RGL2: variants seen among roughly 807,000 people sequenced by gnomAD.
RGL2 encodes ral guanine nucleotide dissociation stimulator-like 2.
In RGL2, 40 loss-of-function variants were observed where a neutral mutation model predicts 84.6. That is an observed-to-expected ratio of 0.47 (90% CI 0.37 to 0.62). The LOEUF is 0.62. RGL2 is among the 20% of genes least tolerant of loss of function. The probability of loss-of-function intolerance (pLI) is 0.00; values close to 1 mark genes in which losing one functional copy is unlikely to be tolerated. For missense variants in RGL2, 865 were observed against 1,019.7 expected, an observed-to-expected ratio of 0.85 and a Z score of 2.07; for synonymous variants, 369 against 417.3, an observed-to-expected ratio of 0.88 and a Z score of 1.41.
chr6:33,297,021 C>T lies in RGL2; in HGVS notation c.240+11G>A. On this transcript the variant is annotated intron_variant, in intron 3 of 17. Transcript: ENST00000497454. This position sits in a 1 kb window ranked among gnomAD's most constrained non-coding sequence, Gnocchi z 4.0. ...AGAGTCAGAGGTGAGAAGCTAAAGT[C>T]ATGATCTCACCAAGGGATCAAGAGG... 1.9e-6 allele frequency: 3 copies of T among 1,588,578 alleles called. No homozygotes were observed. The highest frequency in any genetic ancestry group is 2.6e-6 in the Non-Finnish European group (3 of 1,167,766).
At position 33,295,637 on chromosome 6, in the gene RGL2, C is replaced by T. The variant is rs1327210058; in HGVS notation, c.891G>A (p.Val297=). The change falls in exon 7 of 18, where the codon GTG becomes GTA. Residue 297 remains valine (V), a synonymous_variant. Coordinates refer to ENST00000497454, the MANE Select transcript of RGL2 (RefSeq NM_004761.5). This position sits in a 1 kb window ranked among gnomAD's most constrained non-coding sequence, Gnocchi z 7.2. ...GGACAGAACTAACCACTGCCCCTGC[C>T]ACCTTGTTAAACTGTGTGACAGTAG... The part of the protein sequence containing the change: ...VRATVTQFNK[V]AGAVVSSVLG... 6.2e-7 allele frequency: 1 copy of T among 1,613,980 alleles called. No individual in the cohort carries two copies. The highest frequency in any genetic ancestry group is 1.7e-5 in the Admixed American group (1 of 60,022).
At position 33,298,787 on chromosome 6, in the gene RGL2, G is replaced by A. The variant is rs1003512221; in HGVS notation, c.-42+83C>T. 3 of 490,932 alleles carry A rather than the reference G, an allele frequency of 6.1e-6. No individual in the cohort carries two copies. Among genetic ancestry groups the A allele is most frequent in the Non-Finnish European group, 7.2e-6 (2 of 279,222 alleles). 30.4% of individuals were successfully genotyped at this position (490,932 alleles called of 1,614,324 possible). ...AAGGTTGGGGGAGGGGGCAACAGAA[G>A]GGTGGAATAGGGGGGCCCTTGGTGC... is the stretch of plus-strand genomic sequence containing the variant. On this transcript the variant is annotated intron_variant, in intron 1 of 17. Transcript: ENST00000497454. The surrounding 1 kb of genome is among the most constrained non-coding windows in gnomAD (Gnocchi z 4.8).
At chr6:33,292,617 C>T in intron 16 of RGL2, 73 bp from the exon 17 acceptor site, 1 of 1,233,964 alleles carries the variant, frequency 8.1e-7, no homozygotes, top group South Asian at 1.2e-5. Flanking sequence ...AGCCACTGAA[C>T]CCAACCACAA....
chr6:33,293,373 G>A lies in RGL2; in HGVS notation c.1716+40C>T. 1 of 1,599,582 alleles carries A rather than the reference G, an allele frequency of 6.3e-7. No homozygotes were observed. Among genetic ancestry groups the A allele is most frequent in the Middle Eastern group, 1.7e-4 (1 of 5,948 alleles). On this transcript the variant is annotated intron_variant, in intron 15 of 17. Transcript: ENST00000497454. This position sits in a 1 kb window ranked among gnomAD's most constrained non-coding sequence, Gnocchi z 7.0. Reference sequence around the variant, plus strand: ...TTTAAGGAAGAAACATTTACAGAGTGAGGGTCAGCGTCAAGGTCAGAGTCA... The same window carrying A: ...TTTAAGGAAGAAACATTTACAGAGTAAGGGTCAGCGTCAAGGTCAGAGTCA...
At position 33,296,526 on chromosome 6, in the gene RGL2, T is replaced by C; in HGVS notation, c.420-62A>G. 6.3e-7 allele frequency: 1 copy of C among 1,586,136 alleles called. No homozygotes were observed. Among genetic ancestry groups the C allele is most frequent in the South Asian group, 1.1e-5 (1 of 86,984 alleles). Reference sequence around the variant, plus strand: ...CCAAACCCTCAGTGGCTTTGACTATTTTGGTGGGATGTTGCGGCTTTAGGA... The same window carrying C: ...CCAAACCCTCAGTGGCTTTGACTATCTTGGTGGGATGTTGCGGCTTTAGGA... On this transcript the variant is annotated intron_variant, in intron 4 of 17. Coordinates refer to ENST00000497454, the MANE Select transcript of RGL2 (RefSeq NM_004761.5). The surrounding 1 kb of genome is among the most constrained non-coding windows in gnomAD (Gnocchi z 5.0).
rs1418746840 is a variant in RGL2, at chr6:33,291,890, A to C, written c.*212T>G. 5 of 612,558 alleles carry C rather than the reference A, an allele frequency of 8.2e-6. No homozygotes were observed. Among genetic ancestry groups the C allele is most frequent in the Non-Finnish European group, 1.4e-5 (5 of 345,480 alleles). 37.9% of individuals were successfully genotyped at this position (612,558 alleles called of 1,614,324 possible). ...CTGCACTCATGGAAGGTGGGAAGCTATACACAGGTATCCAACTTGGTTATA... is the reference window on the plus strand; with the variant it reads ...CTGCACTCATGGAAGGTGGGAAGCTCTACACAGGTATCCAACTTGGTTATA... On this transcript the variant is annotated 3_prime_UTR_variant, in exon 18 of 18. Coordinates refer to ENST00000497454, the MANE Select transcript of RGL2 (RefSeq NM_004761.5).
Position 33,296,946 on chromosome 6 carries a change from C to T in RGL2, c.240+86G>A. On this transcript the variant is annotated intron_variant, in intron 3 of 17. Transcript: ENST00000497454. This position sits in a 1 kb window ranked among gnomAD's most constrained non-coding sequence, Gnocchi z 5.0. ...AGAGTCCAGGACTCCAGAACTCCAA[C>T]CTAGCACTCTGGCCAGAAAGTCAGC... The T allele has an allele frequency of 6.6e-7, 1 of 1,522,558 alleles. No homozygotes were observed. Among genetic ancestry groups the T allele is most frequent in the Non-Finnish European group, 9.1e-7 (1 of 1,097,486 alleles). 94.3% of individuals were successfully genotyped at this position (1,522,558 alleles called of 1,614,324 possible). A position where few individuals can be genotyped will look rare whatever the true frequency, so the allele number is the denominator to read the frequency against.
rs373098226 is a variant in RGL2 at position 33,295,384 on chromosome 6, G to A, written c.1059C>T (p.Ala353=). ...RLLRNFSSVY[A]VVSALQSSPI... is the part of the protein sequence containing the mutation. ...GGCTGGACTGCAGGGCTGACACCAC[G>A]GCATAAACTGAAGAGAAGTTTCGGA... Residue 353 remains alanine, a synonymous_variant, in exon 8 of 18, where the codon GCC becomes GCT. Coordinates refer to ENST00000497454, the MANE Select transcript of RGL2 (RefSeq NM_004761.5). This position sits in a 1 kb window ranked among gnomAD's most constrained non-coding sequence, Gnocchi z 7.2. 9.3e-6 allele frequency: 15 copies of A among 1,607,696 alleles called. No individual in the cohort carries two copies. The highest frequency in any genetic ancestry group is 5.1e-5 in the Admixed American group (3 of 59,126).
Position 33,294,706 on chromosome 6 carries a change from G to A in RGL2, c.1335C>T (p.Ala445=). The part of the protein sequence containing the change: ...FLKDLVMLDA[A]SKDELENGYI... ...CACTGACCTCCAACTCATCCTTGGA[G>A]GCTGCATCCAGCATCACAAGGTCCT... Residue 445 remains alanine, a synonymous_variant, in exon 11 of 18, where the codon GCC becomes GCT. Coordinates refer to ENST00000497454, the MANE Select transcript of RGL2 (RefSeq NM_004761.5). This position sits in a 1 kb window ranked among gnomAD's most constrained non-coding sequence, Gnocchi z 5.0. The A allele has an allele frequency of 3.7e-6, 6 of 1,614,026 alleles. No individual in the cohort carries two copies. Among genetic ancestry groups the A allele is most frequent in the Non-Finnish European group, 5.1e-6 (6 of 1,180,006 alleles).
rs141898873 is a variant in RGL2 at position 33,294,661 on chromosome 6, G to T, written c.1353+27C>A. 5.0e-6 allele frequency: 8 copies of T among 1,612,434 alleles called. No individual in the cohort carries two copies. Among genetic ancestry groups the T allele is most frequent in the Non-Finnish European group, 6.8e-6 (8 of 1,179,092 alleles). On this transcript the variant is annotated intron_variant, in intron 11 of 17. Transcript: ENST00000497454. The surrounding 1 kb of genome is among the most constrained non-coding windows in gnomAD (Gnocchi z 5.0). ...CCTGCAGCCCACTTGTTACATCATT[G>T]CAATGACACACACACACACCACTGA...
In RGL2 at chr6:33,295,503, C is replaced by G; in HGVS notation, c.1020+5G>C. The G allele has an allele frequency of 6.2e-7, 1 of 1,613,232 alleles. No individual in the cohort carries two copies. Among genetic ancestry groups the G allele is most frequent in the African/African-American group, 1.3e-5 (1 of 75,042 alleles). On this transcript the variant is annotated splice_donor_5th_base_variant and intron_variant, in intron 7 of 17. Coordinates refer to ENST00000497454, the MANE Select transcript of RGL2 (RefSeq NM_004761.5). The surrounding 1 kb of genome is among the most constrained non-coding windows in gnomAD (Gnocchi z 7.2). ...CACAAACCGTAGGGCAATCTTCTCT[C>G]TCACCTCTGCCACGCGGATCCACTT...
chr6:33,298,357 T>C lies in RGL2; in HGVS notation c.156+98A>G, dbSNP rs1768215089. 4.6e-6 allele frequency: 3 copies of C among 657,044 alleles called. No individual in the cohort carries two copies. The South Asian group carries it at 6.2e-5, about 14-fold the overall frequency. The allele number at this position is 657,044 out of a possible 1,614,324, so 40.7% of individuals were successfully genotyped here. Reference sequence around the variant, plus strand: ...ACACCCAGGGAGGCGCGAGAATAACTGAGGCAAGGAGGAGGAGATGTAGGG... The same window carrying C: ...ACACCCAGGGAGGCGCGAGAATAACCGAGGCAAGGAGGAGGAGATGTAGGG... On this transcript the variant is annotated intron_variant, in intron 2 of 17. Coordinates refer to ENST00000497454, the MANE Select transcript of RGL2 (RefSeq NM_004761.5). This position sits in a 1 kb window ranked among gnomAD's most constrained non-coding sequence, Gnocchi z 4.8.
chr6:33,295,724 C>T lies in RGL2; in HGVS notation c.804G>A (p.Leu268=), dbSNP rs374893703. The change falls in exon 7 of 18, where the codon CTG becomes CTA. Residue 268 remains leucine (L), a synonymous_variant. Coordinates refer to ENST00000497454, the MANE Select transcript of RGL2 (RefSeq NM_004761.5). The surrounding 1 kb of genome is among the most constrained non-coding windows in gnomAD (Gnocchi z 7.2). ...LFLNLIPSQC[L]GGLWGHRDRP... is the part of the protein sequence containing the mutation. ...GGTCTCTGTGACCCCACAGGCCTCC[C>T]AGGCACTGAGAGGGGATCAAATTGA... 8.7e-6 allele frequency: 14 copies of T among 1,613,830 alleles called. No homozygotes were observed. Among genetic ancestry groups the T allele is most frequent in the Non-Finnish European group, 1.2e-5 (14 of 1,180,028 alleles).
At chr6:33,301,418 A>G (rs1489092697), upstream of RGL2, 3 of 280,038 alleles carry the variant, frequency 1.1e-5, no homozygotes, top group African/African-American at 6.7e-5. Flanking sequence ...TACTAAAAAT[A>G]CAAAAATTCA....
chr6:33,295,312 T>A lies in RGL2; in HGVS notation c.1124+7A>T. The stretch of plus-strand genomic sequence containing the variant: ...CCCACCCCAGTCCAATGCCTCAGCC[T>A]CCGCACCTGGTTGCTTCCCCCCAGG... On this transcript the variant is annotated splice_region_variant and intron_variant, in intron 8 of 17. Coordinates refer to ENST00000497454, the MANE Select transcript of RGL2 (RefSeq NM_004761.5). This position sits in a 1 kb window ranked among gnomAD's most constrained non-coding sequence, Gnocchi z 7.2. 3 of 1,566,464 alleles carry A rather than the reference T, an allele frequency of 1.9e-6. No homozygotes were observed. The highest frequency in any genetic ancestry group is 2.6e-6 in the Non-Finnish European group (3 of 1,155,502).
chr6:33,298,671 G>A lies in RGL2; in HGVS notation c.-41-20C>T. The A allele has an allele frequency of 8.3e-7, 1 of 1,201,674 alleles. No homozygotes were observed. The highest frequency in any genetic ancestry group is 1.1e-6 in the Non-Finnish European group (1 of 896,014). 74.4% of individuals were successfully genotyped at this position (1,201,674 alleles called of 1,614,324 possible). Reference sequence around the variant, plus strand: ...GGGCGCCTGGGGAGAGACGGGGTGGGGTGGGGGTGGAGAGTCAGGCAGGCG... The same window carrying A: ...GGGCGCCTGGGGAGAGACGGGGTGGAGTGGGGGTGGAGAGTCAGGCAGGCG... On this transcript the variant is annotated intron_variant, in intron 1 of 17. Coordinates refer to ENST00000497454, the MANE Select transcript of RGL2 (RefSeq NM_004761.5). This position sits in a 1 kb window ranked among gnomAD's most constrained non-coding sequence, Gnocchi z 4.8.
upstream of RGL2, chr6:33,300,338 T>C (rs1392247115): frequency 1.3e-5 from 2 of 153,426 alleles, no homozygotes; most frequent in African/African-American, 4.8e-5. Flanking sequence ...TTTGTGAGAT[T>C]TTATAACAAA....
rs572529340 is a variant in RGL2 at position 33,297,218 on chromosome 6, G to C, written c.157-103C>G. 1.1e-6 allele frequency: 1 copy of C among 881,508 alleles called. No homozygotes were observed. Among genetic ancestry groups the C allele is most frequent in the African/African-American group, 1.7e-5 (1 of 59,346 alleles). The allele number at this position is 881,508 out of a possible 1,614,324, so 54.6% of individuals were successfully genotyped here. A position where few individuals can be genotyped will look rare whatever the true frequency, so the allele number is the denominator to read the frequency against. ...TCCTCCCTCTGTACCCCTCACCTGT[G>C]GTGGCAGGGCATAGTACCAGCGAGT... On this transcript the variant is annotated intron_variant, in intron 2 of 17. Coordinates refer to ENST00000497454, the MANE Select transcript of RGL2 (RefSeq NM_004761.5). This position sits in a 1 kb window ranked among gnomAD's most constrained non-coding sequence, Gnocchi z 4.0.
chr6:33,296,145 G>A lies in RGL2; in HGVS notation c.651C>T (p.Pro217=), dbSNP rs757333285. Reference sequence around the variant, plus strand: ...GGGGCTTAGGAAGGTCGGGGGCCTGGGGGTCCACCCGGGACCGGAGATTGC... The same window carrying A: ...GGGGCTTAGGAAGGTCGGGGGCCTGAGGGTCCACCCGGGACCGGAGATTGC... ...LIRNLRSRVD[P]QAPDLPKPLA... is the part of the protein sequence containing the mutation. Residue 217 remains proline, a synonymous_variant, in exon 6 of 18, where the codon CCC becomes CCT. Coordinates refer to ENST00000497454, the MANE Select transcript of RGL2 (RefSeq NM_004761.5). The surrounding 1 kb of genome is among the most constrained non-coding windows in gnomAD (Gnocchi z 5.0). 9.3e-6 allele frequency: 15 copies of A among 1,614,004 alleles called. No homozygotes were observed. The highest frequency in any genetic ancestry group is 6.7e-5 in the East Asian group (3 of 44,868).
Sources: gnomAD v4.1 joint callset for allele counts on GRCh38, gnomAD v4.1.1 for gene constraint, Gnocchi (gnomAD v3.1) non-coding constraint, MANE v1.5 for transcripts, NCBI Gene and HGNC (gene_info 2026-07-23, HGNC 2026-07-21) for gene names.